Variants in SWI5 observed in about 807,000 individuals in gnomAD.
The protein encoded by SWI5 is DNA repair protein SWI5 homolog.
In SWI5, 12 loss-of-function variants were observed where a neutral mutation model predicts 17.0. The ratio of observed to expected loss-of-function variants is 0.71; its 90% CI spans 0.45 to 1.14. The LOEUF (loss-of-function observed/expected upper bound fraction) is 1.14, where lower values mean the gene tolerates loss of function less well. SWI5 is among the 50% of genes most tolerant of loss of function. The probability of loss-of-function intolerance (pLI) is 0.00; values close to 1 mark genes in which losing one functional copy is unlikely to be tolerated. For synonymous variants in SWI5, 61 were observed against 64.0 expected (o/e 0.95, Z 0.22); for missense variants, 158 against 162.2 (o/e 0.97, Z 0.14).
chr9:128,282,401 A>C lies in SWI5; in HGVS notation c.112-2109A>C, dbSNP rs538127553. Among the ~76,000 whole-genome samples the C allele has an allele frequency of 1.6e-4, 24 of 152,272 alleles. 1 individual carries two copies. In the South Asian group the frequency reaches 5.0e-3, roughly 32 times the overall value. The stretch of plus-strand genomic sequence containing the variant: ...GAACTGTCTCAAAAAAAAAAGAAAA[A>C]TTAAATTTCAAAAAATATTAAAAAT... On this transcript the variant is annotated intron_variant, in intron 2 of 4. Transcript: ENST00000418976.
At chr9:128,288,706 T>C (rs778918682) in exon 5 of SWI5, 3 of 1,614,000 alleles carry the variant, frequency 1.9e-6, no homozygotes, top group African/African-American at 2.7e-5. Context: ...GGGCTGGACA[T>C]GAATGACTGA....
upstream of SWI5, chr9:128,275,845 G>C (rs929517225): frequency 1.0e-6 from 1 of 979,754 alleles, no homozygotes; most frequent in African/African-American, 1.6e-5. Context: ...CCTGCCATCG[G>C]AGTGGGGCTG....
chr9:128,275,379 C>G, upstream of SWI5: 1 of 1,286,122 alleles, frequency 7.8e-7, no homozygotes, highest in Non-Finnish European at 9.9e-7. Flanking sequence ...GGGGGAACAT[C>G]AGCGCGACGT....
Position 128,285,110 on chromosome 9 carries a change from T to C in SWI5, c.233+479T>C, listed in dbSNP as rs928629805. 7.9e-5 allele frequency among the ~76,000 whole-genome samples: 12 copies of C among 151,556 alleles called. No individual in the cohort carries two copies. Among genetic ancestry groups the C allele is most frequent in the Non-Finnish European group, 1.6e-4 (11 of 67,986 alleles). On this transcript the variant is annotated intron_variant, in intron 3 of 4. Transcript: ENST00000418976. The surrounding 1 kb of genome is among the most constrained non-coding windows in gnomAD (Gnocchi z 4.8). The stretch of plus-strand genomic sequence containing the variant: ...TGAACCTGGCAGGCAGAGGTTGCAG[T>C]GAGGCGAGATCGCGCCACTGCACTC...
At chr9:128,276,073 A>C, upstream of SWI5, 1 of 1,573,124 alleles carries the variant, frequency 6.4e-7, no homozygotes, top group Non-Finnish European at 8.6e-7. Context: ...ACTGGAGCGC[A>C]GAATGGGGGC....
chr9:128,277,478 C>T (rs1219781637), intron 2 of SWI5, among the ~76,000 whole-genome samples: 3 of 152,096 alleles, frequency 2.0e-5, no homozygotes, highest in South Asian at 2.1e-4. Flanking sequence ...TGCTTGAACC[C>T]GGAAGGTGGA....
chr9:128,282,055 G>C (rs990836603), intron 2 of SWI5, among the ~76,000 whole-genome samples: 1 of 152,146 alleles, frequency 6.6e-6, no homozygotes, highest in Non-Finnish European at 1.5e-5. Context: ...CTCCAGCATG[G>C]ATGACAGAGC....
intron 2 of SWI5, among the ~76,000 whole-genome samples, chr9:128,282,428 A>G (rs949986997): frequency 6.6e-6 from 1 of 152,188 alleles, no homozygotes; most frequent in African/African-American, 2.4e-5. Flanking sequence ...ATTAAAAATC[A>G]GGAAAAAGGG....
Position 128,285,598 on chromosome 9 carries a change from G to A in SWI5, c.234-341G>A, listed in dbSNP as rs927805756. Among the ~76,000 whole-genome samples the A allele has an allele frequency of 1.3e-5, 2 of 152,202 alleles. No individual in the cohort carries two copies. The highest frequency in any genetic ancestry group is 2.9e-5 in the Non-Finnish European group (2 of 68,040). On this transcript the variant is annotated intron_variant, in intron 3 of 4. Transcript: ENST00000418976. The surrounding 1 kb of genome is among the most constrained non-coding windows in gnomAD (Gnocchi z 4.8). ...CCAGCCACATGGCAGAGACTGAGCT[G>A]CCTTTGAATGTGCATTTCACACTTG...
intron 4 of SWI5, chr9:128,286,618 G>A (rs1831643769): frequency 6.5e-6 from 1 of 152,680 alleles, no homozygotes. Context: ...CTGGGGTAGT[G>A]TTCAGAGCTG....
At chr9:128,281,404 T>G (rs1467557701) in intron 2 of SWI5, among the ~76,000 whole-genome samples, 1 of 152,134 alleles carries the variant, frequency 6.6e-6, no homozygotes, top group Non-Finnish European at 1.5e-5. Flanking sequence ...AACTCTTTTG[T>G]CCCCTCTGTC....
Position 128,276,773 on chromosome 9 carries a change from C to A in SWI5, c.111+18C>A, listed in dbSNP as rs747469292. 1 of 1,599,520 alleles carries A rather than the reference C, an allele frequency of 6.3e-7. No homozygotes were observed. Among genetic ancestry groups the A allele is most frequent in the Non-Finnish European group, 8.5e-7 (1 of 1,170,306 alleles). On this transcript the variant is annotated intron_variant, in intron 2 of 4. Transcript: ENST00000418976. ...GATCCCCTGTGAGTATTTCTTCCCC[C>A]ACACCCCCTTTCCCATCCTCGACCT...
At chr9:128,282,661 CAG>C (rs1289526797) in intron 2 of SWI5, among the ~76,000 whole-genome samples, 5 of 152,198 alleles carry the variant, frequency 3.3e-5, no homozygotes, top group Non-Finnish European at 5.9e-5. Flanking sequence ...CAGTTCCTGG[CAG>C]AGAGTGCTCA....
upstream of SWI5, chr9:128,276,219 C>T: frequency 1.2e-6 from 2 of 1,611,174 alleles, no homozygotes; most frequent in Non-Finnish European, 1.7e-6. Flanking sequence ...CCCCGCCCAC[C>T]TCGGGAGAGG....
intron 2 of SWI5, chr9:128,278,679 G>A (rs550165367): frequency 4.2e-6 from 2 of 471,786 alleles, no homozygotes; most frequent in Admixed American, 2.3e-5. Flanking sequence ...TCCCCATGTT[G>A]AGGTGAGGCC....
At position 128,285,871 on chromosome 9, in the gene SWI5, G is replaced by C. The variant is rs76021103; in HGVS notation, c.234-68G>C. 2.2e-3 allele frequency: 2,438 copies of C among 1,090,084 alleles called. 32 individuals carry two copies. In the African/African-American group the frequency reaches 0.031, roughly 14 times the overall value. The allele number at this position is 1,090,084 out of a possible 1,614,324, so 67.5% of individuals were successfully genotyped here. On this transcript the variant is annotated intron_variant, in intron 3 of 4. Coordinates refer to ENST00000418976, the Ensembl canonical transcript of SWI5. This position sits in a 1 kb window ranked among gnomAD's most constrained non-coding sequence, Gnocchi z 4.8. ...CATTACAGATGCCTTATTACTATCT[G>C]AGCCTGGGGCCATCATCTGCTTTCT...
intron 2 of SWI5, among the ~76,000 whole-genome samples, chr9:128,283,271 G>A (rs1453637197): frequency 1.3e-5 from 2 of 151,754 alleles, no homozygotes; most frequent in Non-Finnish European, 2.9e-5. Context: ...GCAGTGAGCC[G>A]AGATTGTGCC....
At chr9:128,286,254 C>T (rs1339806223) in intron 4 of SWI5, 4 of 517,122 alleles carry the variant, frequency 7.7e-6, no homozygotes, top group Non-Finnish European at 1.4e-5. Context: ...GAGCCGCAGC[C>T]AGGTTTGAGC....
chr9:128,284,589 A>G (rs1279604499), exon 3 of SWI5: 1 of 1,613,886 alleles, frequency 6.2e-7, no homozygotes, highest in Non-Finnish European at 8.5e-7. Flanking sequence ...CTGAAGGAGA[A>G]GAGGGACATG....
Sources: allele counts gnomAD v4.1 joint callset (sites outside exome capture counted in the v4.1 genomes callset), GRCh38; gene constraint gnomAD v4.1.1; non-coding constraint Gnocchi (gnomAD v3.1); transcripts MANE v1.5; gene names NCBI Gene and HGNC (gene_info 2026-07-23, HGNC 2026-07-21).